Variants in CD2AP observed in about 807,000 individuals in gnomAD.
The protein encoded by CD2AP is CD2-associated protein.
CD2AP carries 46 observed loss-of-function variants against 85.1 expected under a neutral mutation model. That is an observed-to-expected ratio of 0.54 (90% CI 0.43 to 0.69). The LOEUF is 0.69. Ranked by LOEUF, CD2AP falls within the 30% of genes least tolerant of loss-of-function variation. The pLI, the probability that CD2AP is intolerant of heterozygous loss-of-function variation, is 0.00. For synonymous variants in CD2AP, 255 were observed against 252.9 expected (o/e 1.01, Z -0.08); for missense variants, 769 against 729.5 (o/e 1.05, Z -0.62).
chr6:47,497,100 T>C (rs1448468739), intron 1 of CD2AP, among the ~76,000 whole-genome samples: 2 of 152,178 alleles, frequency 1.3e-5, no homozygotes, highest in Non-Finnish European at 2.9e-5. Flanking sequence ...GATAATTTGA[T>C]TGTCAAAGTT....
chr6:47,516,407 C>T (rs185536054), intron 2 of CD2AP, among the ~76,000 whole-genome samples: 3 of 152,252 alleles, frequency 2.0e-5, no homozygotes, highest in East Asian at 1.9e-4. Flanking sequence ...TTCATTGGCC[C>T]ATAGCAATGA....
chr6:47,570,450 T>C (rs1276727614), intron 5 of CD2AP, among the ~76,000 whole-genome samples: 2 of 152,160 alleles, frequency 1.3e-5, no homozygotes, highest in African/African-American at 2.4e-5. Flanking sequence ...AGAAGTACCA[T>C]ATAGATAAGG....
intron 2 of CD2AP, among the ~76,000 whole-genome samples, chr6:47,517,242 C>T (rs759293486): frequency 1.3e-5 from 2 of 152,064 alleles, no homozygotes; most frequent in African/African-American, 2.4e-5. Flanking sequence ...GATGCTGGAG[C>T]CATGCTTGTA....
intron 16 of CD2AP, 47 bp downstream of exon 16, chr6:47,609,351 T>C (rs1769363597): frequency 6.9e-7 from 1 of 1,450,834 alleles, no homozygotes. Context: ...AACCCATGCA[T>C]AAAGAATTTT....
intron 17 of CD2AP, among the ~76,000 whole-genome samples, chr6:47,617,394 C>A (rs942358045): frequency 6.6e-6 from 1 of 152,154 alleles, no homozygotes; most frequent in African/African-American, 2.4e-5. Context: ...GTGCCTCTCC[C>A]CTCTAAATCA....
intron 2 of CD2AP, among the ~76,000 whole-genome samples, chr6:47,521,272 C>T (rs995819150): frequency 1.3e-5 from 2 of 152,152 alleles, no homozygotes; most frequent in African/African-American, 4.8e-5. Context: ...GCATAGTAGG[C>T]CAGGCGTGGT....
intron 2 of CD2AP, among the ~76,000 whole-genome samples, chr6:47,514,833 C>T (rs1766412226): frequency 6.6e-6 from 1 of 152,152 alleles, no homozygotes; most frequent in African/African-American, 2.4e-5. Flanking sequence ...AGGTGGATCA[C>T]CTGAGGTCAG....
intron 8 of CD2AP, 115 bp from the exon 9 acceptor site, chr6:47,579,270 G>T: frequency 1.5e-6 from 1 of 680,892 alleles, no homozygotes; most frequent in Admixed American, 2.2e-5. Context: ...AGGAGGTTGA[G>T]GCTGCAGTGA....
chr6:47,558,086 C>A (rs943498005), intron 5 of CD2AP, among the ~76,000 whole-genome samples: 5 of 152,038 alleles, frequency 3.3e-5, no homozygotes, highest in African/African-American at 1.2e-4. Flanking sequence ...CCTTTTGTAG[C>A]CATTGTGAAT....
At chr6:47,604,803 A>G (rs1202748589) in intron 13 of CD2AP, among the ~76,000 whole-genome samples, 1 of 152,082 alleles carries the variant, frequency 6.6e-6, no homozygotes, top group East Asian at 1.9e-4. Flanking sequence ...ATTATTTACA[A>G]TTATCAAAAG....
intron 17 of CD2AP, among the ~76,000 whole-genome samples, chr6:47,623,039 A>G (rs1582636396): frequency 6.6e-6 from 1 of 152,196 alleles, no homozygotes; most frequent in Non-Finnish European, 1.5e-5. Flanking sequence ...CGGGCTGACA[A>G]TGAAAGCTAT....
At chr6:47,543,487 T>A (rs1767286097) in intron 3 of CD2AP, among the ~76,000 whole-genome samples, 1 of 152,184 alleles carries the variant, frequency 6.6e-6, no homozygotes, top group African/African-American at 2.4e-5. Context: ...ACATCAGATT[T>A]ATCTTCTCAC....
At chr6:47,500,123 A>G (rs1343987516) in intron 1 of CD2AP, among the ~76,000 whole-genome samples, 1 of 152,248 alleles carries the variant, frequency 6.6e-6, no homozygotes, top group Non-Finnish European at 1.5e-5. Context: ...CTGAGAAACC[A>G]GCATTCATCC....
chr6:47,544,387 A>G (rs1006792644), intron 3 of CD2AP, among the ~76,000 whole-genome samples: 1 of 152,128 alleles, frequency 6.6e-6, no homozygotes, highest in Non-Finnish European at 1.5e-5. Flanking sequence ...GTGGGATAAG[A>G]TGTATAAAGA....
intron 5 of CD2AP, among the ~76,000 whole-genome samples, chr6:47,559,578 A>C (rs746723496): frequency 6.6e-6 from 1 of 152,156 alleles, no homozygotes; most frequent in Non-Finnish European, 1.5e-5. Flanking sequence ...TAGAGAAAAA[A>C]GTCAGATAAT....
chr6:47,526,960 TG>T (rs1342029218), intron 2 of CD2AP, among the ~76,000 whole-genome samples: 1 of 152,158 alleles, frequency 6.6e-6, no homozygotes, highest in South Asian at 2.1e-4. Context: ...GTGAGGTTGA[TG>T]GGTGTTATTA....
At chr6:47,589,302 A>T (rs1486966422) in intron 11 of CD2AP, among the ~76,000 whole-genome samples, 3 of 150,694 alleles carry the variant, frequency 2.0e-5, no homozygotes, top group Non-Finnish European at 3.0e-5. Flanking sequence ...AAGATTGCTT[A>T]GCGTAAGAAT....
At chr6:47,491,952 A>G (rs1053957787) in intron 1 of CD2AP, among the ~76,000 whole-genome samples, 1 of 152,128 alleles carries the variant, frequency 6.6e-6, no homozygotes, top group African/African-American at 2.4e-5. Flanking sequence ...GCTGTACTTC[A>G]TTTTAAGTAA....
intron 2 of CD2AP, among the ~76,000 whole-genome samples, chr6:47,517,547 C>T (rs1766484709): frequency 6.6e-6 from 1 of 152,152 alleles, no homozygotes; most frequent in African/African-American, 2.4e-5. Flanking sequence ...GCCTTGACCT[C>T]CCAAAGTGCT....
Sources: allele counts gnomAD v4.1 joint callset (sites outside exome capture counted in the v4.1 genomes callset), GRCh38; gene constraint gnomAD v4.1.1; transcripts MANE v1.5; gene names NCBI Gene and HGNC (gene_info 2026-07-23, HGNC 2026-07-21).